Variants in CD3G observed in about 807,000 individuals in gnomAD.
CD3G encodes T-cell surface glycoprotein CD3 gamma chain.
CD3G carries 24 observed loss-of-function variants against 28.3 expected under a neutral mutation model. The ratio of observed to expected loss-of-function variants is 0.85; its 90% CI spans 0.61 to 1.19. The LOEUF (loss-of-function observed/expected upper bound fraction) is 1.19. Ranked by LOEUF, CD3G falls within the 50% of genes most tolerant of loss-of-function variation. CD3G has a pLI of 0.00. For synonymous variants in CD3G, 71 were observed against 75.9 expected (o/e 0.93, Z 0.34); for missense variants, 211 against 210.0 (o/e 1.00, Z -0.03).
chr11:118,349,222 G>A, intron 2 of CD3G, 172 bp downstream of exon 2: 2 of 1,559,298 alleles, frequency 1.3e-6, no homozygotes, highest in Admixed American at 1.8e-5. Flanking sequence ...ACCTGTTCCG[G>A]GCAGCTTGCC....
rs145778395 is a variant in CD3G at position 118,349,815 on chromosome 11, A to T, written c.152A>T (p.Lys51Ile). 5 of 1,614,184 alleles carry T rather than the reference A, an allele frequency of 3.1e-6. No homozygotes were observed. The highest frequency in any genetic ancestry group is 4.2e-6 in the Non-Finnish European group (5 of 1,180,022). The change falls in exon 3 of 7, where the codon AAA (lysine) becomes ATA (isoleucine). Residue 51 changes from lysine (K) to isoleucine (I), a missense_variant. Coordinates refer to ENST00000532917, the MANE Select transcript of CD3G (RefSeq NM_000073.3). ...SVLLTCDAEA[K>I]NITWFKDGKM... is the part of the protein sequence containing the mutation. ...CTTCTGACTTGTGATGCAGAAGCCA[A>T]AAATATCACATGGTTTAAAGATGGG...
chr11:118,350,183 T>C, intron 3 of CD3G: 1 of 597,666 alleles, frequency 1.7e-6, no homozygotes, highest in Non-Finnish European at 3.0e-6. Flanking sequence ...TTTGTTTACC[T>C]TTGGGTGGGC....
At position 118,344,365 on chromosome 11, in the gene CD3G, G is replaced by A; in HGVS notation, c.-59G>A. The stretch of plus-strand genomic sequence containing the variant: ...AGCCAGTCTAGCTGCTGCACAGGCT[G>A]GCTGGCTGGCTGGCTGCTAAGGGCT... On this transcript the variant is annotated 5_prime_UTR_variant, in exon 1 of 7. Transcript: ENST00000532917. 1.5e-6 allele frequency: 2 copies of A among 1,357,728 alleles called. No individual in the cohort carries two copies. The highest frequency in any genetic ancestry group is 1.3e-5 in the South Asian group (1 of 75,852). 84.1% of individuals were successfully genotyped at this position (1,357,728 alleles called of 1,614,324 possible). A position where few individuals can be genotyped will look rare whatever the true frequency, so the allele number is the denominator to read the frequency against.
chr11:118,347,447 C>T (rs1948367180), intron 1 of CD3G, among the ~76,000 whole-genome samples: 1 of 152,128 alleles, frequency 6.6e-6, no homozygotes, highest in Non-Finnish European at 1.5e-5. Flanking sequence ...CATTCATAAA[C>T]TTTGGAAGCA....
At chr11:118,348,469 C>T (rs538770460) in intron 1 of CD3G, among the ~76,000 whole-genome samples, 2 of 152,268 alleles carry the variant, frequency 1.3e-5, no homozygotes, top group South Asian at 2.1e-4. Flanking sequence ...GCCCTCTCCC[C>T]GTGGAATTAG....
At chr11:118,351,255 A>G (rs974196208) in intron 4 of CD3G, among the ~76,000 whole-genome samples, 1 of 144,164 alleles carries the variant, frequency 6.9e-6, no homozygotes, top group Non-Finnish European at 1.5e-5. Flanking sequence ...ACAAGCATAC[A>G]GCTCAAAAAA....
At chr11:118,352,659 T>A (rs1948420638) in intron 6 of CD3G, among the ~76,000 whole-genome samples, 172 bp downstream of exon 6, 1 of 152,234 alleles carries the variant, frequency 6.6e-6, no homozygotes, top group Non-Finnish European at 1.5e-5. Flanking sequence ...CCATACTGAT[T>A]GTCTTGGCCT....
chr11:118,354,765 T>A lies in CD3G; in HGVS notation c.*1665T>A, dbSNP rs546571793. The A allele has an allele frequency of 2.6e-5, 4 of 152,206 alleles. No homozygotes were observed. Among genetic ancestry groups the A allele is most frequent in the Non-Finnish European group, 4.4e-5 (3 of 68,030 alleles). 9.4% of individuals were successfully genotyped at this position (152,206 alleles called of 1,614,324 possible). On this transcript the variant is annotated 3_prime_UTR_variant, in exon 7 of 7. Transcript: ENST00000532917. ...TGTTTATTAACCATTCATATATTTTTAGTGAAATGTGTATCAAATCTTTTG... is the reference window on the plus strand; with the variant it reads ...TGTTTATTAACCATTCATATATTTTAAGTGAAATGTGTATCAAATCTTTTG...
intron 1 of CD3G, among the ~76,000 whole-genome samples, chr11:118,346,988 C>G (rs1948362993): frequency 6.6e-6 from 1 of 152,152 alleles, no homozygotes; most frequent in Admixed American, 6.5e-5. Flanking sequence ...CTCCCATTTG[C>G]TCATTTATTC....
chr11:118,351,912 G>A (rs562729238), intron 5 of CD3G, among the ~76,000 whole-genome samples: 1 of 151,982 alleles, frequency 6.6e-6, no homozygotes, highest in East Asian at 1.9e-4. Context: ...AGAAACTCTC[G>A]ACAGGCTGGG....
intron 1 of CD3G, among the ~76,000 whole-genome samples, chr11:118,346,791 T>C (rs1369844877): frequency 1.6e-5 from 2 of 127,860 alleles, no homozygotes. Context: ...TCAGCCTGAG[T>C]GACAGAGCAA....
At position 118,350,598 on chromosome 11, in the gene CD3G, T is replaced by C; in HGVS notation, c.354T>C (p.Phe118=). 6.2e-7 allele frequency: 1 copy of C among 1,614,130 alleles called. No individual in the cohort carries two copies. The change falls in exon 4 of 7, where the codon TTT becomes TTC. Residue 118 remains phenylalanine, a synonymous_variant. Coordinates refer to ENST00000532917, the MANE Select transcript of CD3G (RefSeq NM_000073.3). The part of the protein sequence containing the change: ...IELNAATISG[F]LFAEIVSIFV... The stretch of plus-strand genomic sequence containing the variant: ...TAAATGCAGCCACCATATCTGGCTT[T>C]CTCTTTGCTGAAATCGTCAGCATTT...
chr11:118,348,676 A>C (rs1029949174), intron 1 of CD3G, among the ~76,000 whole-genome samples: 2 of 152,074 alleles, frequency 1.3e-5, no homozygotes, highest in Non-Finnish European at 2.9e-5. Flanking sequence ...CAATCCTCTT[A>C]CCATATGGTT....
In CD3G at chr11:118,355,146, A is replaced by G. The variant is rs747861106; in HGVS notation, c.*2046A>G. 41 of 151,920 alleles carry G rather than the reference A, an allele frequency of 2.7e-4. No individual in the cohort carries two copies. The highest frequency in any genetic ancestry group is 5.7e-4 in the Non-Finnish European group (39 of 67,932). The allele number at this position is 151,920 out of a possible 1,614,324, so 9.4% of individuals were successfully genotyped here. ...GACTATTTGTAACAAACACAAATAAATTGAATTGTTGGGCACTTGTATTTG... is the reference window on the plus strand; with the variant it reads ...GACTATTTGTAACAAACACAAATAAGTTGAATTGTTGGGCACTTGTATTTG... On this transcript the variant is annotated 3_prime_UTR_variant, in exon 7 of 7. Transcript: ENST00000532917.
chr11:118,344,413 C>G lies in CD3G; in HGVS notation c.-11C>G. 1 of 1,564,910 alleles carries G rather than the reference C, an allele frequency of 6.4e-7. No homozygotes were observed. The highest frequency in any genetic ancestry group is 8.7e-7 in the Non-Finnish European group (1 of 1,154,104). ...GCTGCTCCACGCTTTTGCCGGAGGA[C>G]AGAGACTGACATGGAACAGGGGAAG... is the stretch of plus-strand genomic sequence containing the variant. On this transcript the variant is annotated 5_prime_UTR_variant, in exon 1 of 7. Coordinates refer to ENST00000532917, the MANE Select transcript of CD3G (RefSeq NM_000073.3).
chr11:118,348,612 G>T (rs975858928), intron 1 of CD3G, among the ~76,000 whole-genome samples: 1 of 152,126 alleles, frequency 6.6e-6, no homozygotes, highest in Admixed American at 6.5e-5. Context: ...CCGCTTGACT[G>T]ATCTCAATCT....
intron 1 of CD3G, among the ~76,000 whole-genome samples, chr11:118,346,095 G>A (rs975049362): frequency 2.6e-5 from 4 of 152,136 alleles, no homozygotes; most frequent in African/African-American, 4.8e-5. Context: ...ATGTGTACTT[G>A]AACAACTCCT....
Position 118,350,197 on chromosome 11 carries a change from A to G in CD3G, c.307+227A>G, listed in dbSNP as rs1234437269. The G allele has an allele frequency of 1.4e-4, 82 of 588,744 alleles. 1 individual carries two copies. The highest frequency in any genetic ancestry group is 9.0e-6 in the Non-Finnish European group (3 of 332,492). 36.5% of individuals were successfully genotyped at this position (588,744 alleles called of 1,614,324 possible). On this transcript the variant is annotated intron_variant, in intron 3 of 6. Coordinates refer to ENST00000532917, the MANE Select transcript of CD3G (RefSeq NM_000073.3). Reference sequence around the variant, plus strand: ...TTTTGTTTACCTTTGGGTGGGCTCCATGGATTCAAGCAATTCAGCACTGAG... The same window carrying G: ...TTTTGTTTACCTTTGGGTGGGCTCCGTGGATTCAAGCAATTCAGCACTGAG...
rs1201196457 is a variant in CD3G at position 118,352,469 on chromosome 11, A to C, written c.549A>C (p.Ter183CysextTer6). The part of the protein sequence containing the change: ...HLQGNQLRRN[*>C] ...AAGGAAACCAGTTGAGGAGGAATTG[A>C]ACTCAGGACTCAGAGTAGGTGGGTT... The change falls in exon 6 of 7, where the codon TGA becomes TGC. Residue 183 changes from the stop codon to cysteine, a stop_lost. Transcript: ENST00000532917. 1.9e-6 allele frequency: 3 copies of C among 1,613,124 alleles called. No individual in the cohort carries two copies. The highest frequency in any genetic ancestry group is 2.5e-6 in the Non-Finnish European group (3 of 1,179,284).
Sources: gnomAD v4.1 joint callset for allele counts (sites outside exome capture counted in the v4.1 genomes callset) on GRCh38, gnomAD v4.1.1 for gene constraint, MANE v1.5 for transcripts, NCBI Gene and HGNC (gene_info 2026-07-23, HGNC 2026-07-21) for gene names.